The following CATSPERT variants were observed in gnomAD, a reference collection of about 807,000 sequenced individuals.
CATSPERT encodes catsper channel auxiliary subunit tau.
chr2:201,523,506 A>G, the CATSPERT span, among the ~76,000 whole-genome samples: 2 of 152,230 alleles, frequency 1.3e-5, no homozygotes, highest in African/African-American at 4.8e-5. Flanking sequence ...AAAGGACAGC[A>G]ACTTTAAAGA....
the CATSPERT span, among the ~76,000 whole-genome samples, chr2:201,516,448 C>T: frequency 1.3e-5 from 2 of 152,116 alleles, no homozygotes; most frequent in Non-Finnish European, 2.9e-5. Context: ...AAGTGCCACA[C>T]TTTTAAACCA....
the CATSPERT span, among the ~76,000 whole-genome samples, chr2:201,546,342 T>C: frequency 3.3e-5 from 5 of 152,206 alleles, no homozygotes; most frequent in African/African-American, 1.2e-4. Flanking sequence ...AGTCAACATG[T>C]ATAGGTTAGA....
At chr2:201,512,746 A>G in the CATSPERT span, among the ~76,000 whole-genome samples, 1 of 152,160 alleles carries the variant, frequency 6.6e-6, no homozygotes, top group Non-Finnish European at 1.5e-5. Context: ...TGAACATTGT[A>G]TATAGGTATT....
At chr2:201,487,723 T>C in the CATSPERT span, 2 of 1,614,208 alleles carry the variant, frequency 1.2e-6, no homozygotes, top group Admixed American at 1.7e-5. Context: ...TTGTAAACTT[T>C]CCACTGTAGC....
chr2:201,583,052 TA>T, the CATSPERT span, among the ~76,000 whole-genome samples: 1 of 152,172 alleles, frequency 6.6e-6, no homozygotes, highest in Non-Finnish European at 1.5e-5. Flanking sequence ...ATAAAATATT[TA>T]AAATACCATT....
chr2:201,585,880 T>C, the CATSPERT span, among the ~76,000 whole-genome samples: 11 of 152,306 alleles, frequency 7.2e-5, no homozygotes, highest in African/African-American at 2.4e-4. Context: ...TTGAGCTGCA[T>C]GCGTCCACTT....
the CATSPERT span, among the ~76,000 whole-genome samples, chr2:201,549,002 T>TAC: frequency 1.3e-4 from 19 of 151,374 alleles, no homozygotes; most frequent in African/African-American, 4.1e-4. Flanking sequence ...TCCATTATAC[T>TAC]ACACACACAC....
At chr2:201,492,597 A>G in the CATSPERT span, 5 of 1,527,656 alleles carry the variant, frequency 3.3e-6, no homozygotes, top group African/African-American at 5.5e-5. Flanking sequence ...CATTAAATAA[A>G]CTGCTTTCTG....
the CATSPERT span, among the ~76,000 whole-genome samples, chr2:201,513,584 T>C: frequency 8.1e-4 from 124 of 152,308 alleles, no homozygotes; most frequent in Non-Finnish European, 1.5e-3. Flanking sequence ...ACCAGTTATA[T>C]ATCCAAAGAA....
At chr2:201,568,352 A>C in the CATSPERT span, among the ~76,000 whole-genome samples, 2 of 152,214 alleles carry the variant, frequency 1.3e-5, no homozygotes, top group Non-Finnish European at 2.9e-5. Flanking sequence ...ACTAAATTGT[A>C]ATGTAGGGCT....
the CATSPERT span, among the ~76,000 whole-genome samples, chr2:201,558,985 G>A: frequency 9.8e-5 from 15 of 152,290 alleles, no homozygotes; most frequent in Admixed American, 6.5e-5. Context: ...TGGAGGAACT[G>A]AAACTGCCAC....
the CATSPERT span, among the ~76,000 whole-genome samples, chr2:201,529,514 T>C: frequency 6.6e-6 from 1 of 152,144 alleles, no homozygotes; most frequent in Non-Finnish European, 1.5e-5. Flanking sequence ...ACAGACTCTT[T>C]AATAAATGAT....
the CATSPERT span, among the ~76,000 whole-genome samples, chr2:201,503,649 C>A: frequency 6.6e-6 from 1 of 152,212 alleles, no homozygotes; most frequent in Non-Finnish European, 1.5e-5. Context: ...CCTCCTACCT[C>A]AGCCTCCCAA....
the CATSPERT span, among the ~76,000 whole-genome samples, chr2:201,600,108 A>G: frequency 1.6e-5 from 2 of 125,490 alleles, no homozygotes; most frequent in South Asian, 5.2e-4. Context: ...AGGATTATAA[A>G]TCATGCTACT....
chr2:201,559,447 C>G, the CATSPERT span, among the ~76,000 whole-genome samples: 91 of 152,352 alleles, frequency 6.0e-4, no homozygotes, highest in African/African-American at 1.8e-3. Context: ...CTGCCCCTGG[C>G]AGATAGGATT....
chr2:201,518,751 A>T, the CATSPERT span, among the ~76,000 whole-genome samples: 1 of 152,190 alleles, frequency 6.6e-6, no homozygotes, highest in Non-Finnish European at 1.5e-5. Flanking sequence ...CCATTAGCAA[A>T]TTTTACTGGC....
the CATSPERT span, among the ~76,000 whole-genome samples, chr2:201,576,686 C>G: frequency 2.0e-5 from 3 of 152,136 alleles, no homozygotes; most frequent in South Asian, 6.2e-4. Context: ...GCGGAGTGAA[C>G]GGGAGGTACT....
chr2:201,582,002 CA>C, the CATSPERT span: 5 of 1,448,970 alleles, frequency 3.5e-6, no homozygotes, highest in Non-Finnish European at 4.6e-6. Context: ...AGATAATAAA[CA>C]AAAAAAGCCC....
chr2:201,537,229 CT>C, the CATSPERT span, among the ~76,000 whole-genome samples: 4 of 151,792 alleles, frequency 2.6e-5, no homozygotes, highest in African/African-American at 9.7e-5. Flanking sequence ...ATTTTGTCCC[CT>C]ATCTTCATAT....
Sources: allele counts gnomAD v4.1 joint callset (sites outside exome capture counted in the v4.1 genomes callset), GRCh38; gene constraint gnomAD v4.1.1; transcripts MANE v1.5; gene names NCBI Gene and HGNC (gene_info 2026-07-23, HGNC 2026-07-21).